The following ZSCAN5A variants were observed in gnomAD, a reference collection of about 807,000 sequenced individuals.
ZSCAN5A encodes zinc finger and SCAN domain containing 5A.
Under a neutral mutation model 23.7 loss-of-function variants are expected in ZSCAN5A, and 12 were observed. The observed-to-expected ratio is 0.51, with a 90% CI of 0.32 to 0.82. ZSCAN5A has a LOEUF of 0.82. Ranked by LOEUF, ZSCAN5A falls within the 40% of genes least tolerant of loss-of-function variation. ZSCAN5A has a pLI of 0.03. For synonymous variants in ZSCAN5A, 257 were observed against 239.9 expected (o/e 1.07, Z -0.66); for missense variants, 597 against 617.9 (o/e 0.97, Z 0.36).
At chr19:56,223,061 C>G (rs576541174) in intron 4 of ZSCAN5A, among the ~76,000 whole-genome samples, 2 of 152,262 alleles carry the variant, frequency 1.3e-5, no homozygotes, top group South Asian at 4.1e-4. Context: ...TGACTCTAGT[C>G]GAGGCCCCTC....
intron 2 of ZSCAN5A, among the ~76,000 whole-genome samples, chr19:56,244,799 T>C (rs200399539): frequency 0.076 from 11,077 of 146,364 alleles, 930 homozygotes; most frequent in African/African-American, 0.21. Flanking sequence ...AAATATTAGG[T>C]CTGATGGAAT....
chr19:56,330,788 CTGTTA>C lies in ZSCAN5A; in HGVS notation c.-357-14525_-357-14521del, dbSNP rs532894790. 3.5e-4 allele frequency among the ~76,000 whole-genome samples: 54 copies of C among 152,182 alleles called. 1 individual carries two copies. Among genetic ancestry groups the C allele is most frequent in the African/African-American group, 1.3e-3 (52 of 41,536 alleles). ...CCCATTCTATAGGTGGTCTGTTACT[CTGTTA>C]TTAGTTTCGTTTGCTGTGTAATTAG... is the stretch of plus-strand genomic sequence containing the variant. On this transcript the variant is annotated intron_variant, in intron 2 of 6. Coordinates refer to the ZSCAN5A transcript ENST00000587340.
At chr19:56,342,262 T>C (rs963797130) in intron 2 of ZSCAN5A, among the ~76,000 whole-genome samples, 11 of 151,836 alleles carry the variant, frequency 7.2e-5, no homozygotes, top group South Asian at 6.2e-4. Context: ...AAATTTACCA[T>C]ACAAGATTCT....
At chr19:56,305,448 G>A (rs1470375150) in intron 2 of ZSCAN5A, among the ~76,000 whole-genome samples, 5 of 152,270 alleles carry the variant, frequency 3.3e-5, no homozygotes, top group South Asian at 2.1e-4. Flanking sequence ...ACACTCCACG[G>A]CATGGACATA....
intron 2 of ZSCAN5A, among the ~76,000 whole-genome samples, chr19:56,309,240 C>G (rs775642579): frequency 1.3e-5 from 2 of 152,164 alleles, no homozygotes; most frequent in African/African-American, 2.4e-5. Context: ...ATGAAACAGA[C>G]AGATCTGGCA....
rs2147407328 is a variant in ZSCAN5A, at chr19:56,314,790, G to A, written c.-339C>T. ...GCATCGTGGTAGGACCTGGCGAGTG[G>A]GGCCGGGGAGAGCGGGACGCCTGGA... On this transcript the variant is annotated 5_prime_UTR_variant, in exon 1 of 6. Coordinates refer to ENST00000683990, the MANE Select transcript of ZSCAN5A (RefSeq NM_001322064.3). The A allele has an allele frequency of 6.6e-6, 1 of 152,426 alleles. No homozygotes were observed. The highest frequency in any genetic ancestry group is 2.1e-4 in the South Asian group (1 of 4,834). The allele number at this position is 152,426 out of a possible 1,614,324, so 9.4% of individuals were successfully genotyped here.
intron 2 of ZSCAN5A, among the ~76,000 whole-genome samples, chr19:56,279,732 T>C (rs1024749749): frequency 1.3e-5 from 2 of 152,190 alleles, no homozygotes; most frequent in African/African-American, 4.8e-5. Context: ...AGCTAGCCTA[T>C]GTTAGTTCCT....
chr19:56,240,673 G>A (rs141234913), intron 2 of ZSCAN5A, among the ~76,000 whole-genome samples: 7 of 152,198 alleles, frequency 4.6e-5, no homozygotes, highest in East Asian at 3.9e-4. Flanking sequence ...TTTGCACCCC[G>A]TGATTAACTC....
chr19:56,303,617 T>C (rs1170231477), intron 2 of ZSCAN5A, among the ~76,000 whole-genome samples: 1 of 151,726 alleles, frequency 6.6e-6, no homozygotes, highest in Non-Finnish European at 1.5e-5. Context: ...TATTCACGTG[T>C]GTAGAGGACC....
chr19:56,300,181 G>A (rs2040135790), intron 2 of ZSCAN5A, among the ~76,000 whole-genome samples: 1 of 152,050 alleles, frequency 6.6e-6, no homozygotes, highest in African/African-American at 2.4e-5. Context: ...TTATTAATGG[G>A]TAAGCATTAA....
At chr19:56,363,154 G>A (rs1347189635) in intron 2 of ZSCAN5A, 2 of 152,072 alleles carry the variant, frequency 1.3e-5, no homozygotes, top group Non-Finnish European at 2.9e-5. Context: ...TTCAGGTGAG[G>A]GATATGACAA....
At chr19:56,321,449 T>G in intron 2 of ZSCAN5A, 1 of 681,552 alleles carries the variant, frequency 1.5e-6, no homozygotes, top group South Asian at 1.7e-5. Flanking sequence ...ACGGCATTGA[T>G]AACACACTTG....
chr19:56,302,578 TCCC>T (rs1241075613), intron 2 of ZSCAN5A, among the ~76,000 whole-genome samples: 1 of 55,698 alleles, frequency 1.8e-5, no homozygotes, highest in Non-Finnish European at 2.9e-5. Context: ...CTTTTCTTCC[TCCC>T]CCTTTTCTTC....
In ZSCAN5A at chr19:56,222,083, G is replaced by T; in HGVS notation, c.983C>A (p.Ala328Asp). Reference protein sequence around the residue: ...PVGNRESPGQAGMNSIHSPGP... With the variant: ...PVGNRESPGQDGMNSIHSPGP... ...TGGGGAATGAATTGAATTCATCCCA[G>T]CTTGTCCCGGGGATTCTCTGTTGCC... Residue 328 changes from alanine to aspartate, a missense_variant, in exon 6 of 6, where the codon GCT becomes GAT. Ala to Asp is a moderately radical substitution (Grantham distance 126). Around this residue, in one of 5 missense-constraint regions of ZSCAN5A, gnomAD observed 406 missense variants for 353.2 expected, o/e 1.15. Transcript: ENST00000683990. The T allele has an allele frequency of 6.2e-7, 1 of 1,614,186 alleles. No homozygotes were observed. Among genetic ancestry groups the T allele is most frequent in the Non-Finnish European group, 8.5e-7 (1 of 1,180,028 alleles).
rs544066784 is a variant in ZSCAN5A at position 56,342,783 on chromosome 19, C to A, written c.-358+20452G>T. 1.2e-4 allele frequency: 87 copies of A among 730,020 alleles called. 1 individual carries two copies. Among genetic ancestry groups the A allele is most frequent in the South Asian group, 1.1e-3 (74 of 65,980 alleles). 45.2% of individuals were successfully genotyped at this position (730,020 alleles called of 1,614,324 possible). A position where few individuals can be genotyped will look rare whatever the true frequency, so the allele number is the denominator to read the frequency against. On this transcript the variant is annotated intron_variant, in intron 2 of 6. Coordinates refer to the ZSCAN5A transcript ENST00000587340. ...AACCATCCCCACATACACGGAGATACAGAGTACTGAACTGGGACCAATCAT... is the reference window on the plus strand; with the variant it reads ...AACCATCCCCACATACACGGAGATAAAGAGTACTGAACTGGGACCAATCAT...
At chr19:56,329,006 A>G (rs12610928) in intron 2 of ZSCAN5A, among the ~76,000 whole-genome samples, 1 of 144,512 alleles carries the variant, frequency 6.9e-6, no homozygotes, top group African/African-American at 2.7e-5. Flanking sequence ...AAAAAAAAAA[A>G]AAATAAATAA....
chr19:56,251,454 T>C (rs1421710135), intron 2 of ZSCAN5A, among the ~76,000 whole-genome samples: 1 of 151,968 alleles, frequency 6.6e-6, no homozygotes, highest in African/African-American at 2.4e-5. Context: ...CAGAGTCCAA[T>C]GAAGAGAAAA....
intron 2 of ZSCAN5A, among the ~76,000 whole-genome samples, chr19:56,323,591 C>T (rs985953803): frequency 7.0e-6 from 1 of 142,438 alleles, no homozygotes; most frequent in African/African-American, 2.7e-5. Flanking sequence ...GGCTGGAGTA[C>T]AATGGTATGA....
chr19:56,284,397 G>A (rs1469397279), intron 2 of ZSCAN5A, among the ~76,000 whole-genome samples: 1 of 151,984 alleles, frequency 6.6e-6, no homozygotes, highest in Non-Finnish European at 1.5e-5. Context: ...CTCATGCTTG[G>A]GTGATGGGAG....
Sources: allele counts gnomAD v4.1 joint callset (sites outside exome capture counted in the v4.1 genomes callset), GRCh38; gene constraint gnomAD v4.1.1; regional missense constraint gnomAD v4.1.1; transcripts MANE v1.5; gene names NCBI Gene and HGNC (gene_info 2026-07-23, HGNC 2026-07-21).